Variants in EPB41L5 observed in about 807,000 individuals in gnomAD.
EPB41L5 encodes band 4.1-like protein 5.
A neutral mutation model predicts 106.6 loss-of-function variants in EPB41L5; 55 were observed. The observed-to-expected ratio is 0.52, with a 90% CI of 0.42 to 0.65. The LOEUF (loss-of-function observed/expected upper bound fraction) is 0.65, where lower values mean the gene tolerates loss of function less well. EPB41L5 is among the 30% of genes least tolerant of loss of function. The pLI is 0.00. For synonymous variants in EPB41L5, 297 were observed against 306.7 expected (o/e 0.97, Z 0.33); for missense variants, 871 against 882.1 (o/e 0.99, Z 0.16).
At chr2:120,098,730 A>G (rs1481944870) in intron 14 of EPB41L5, among the ~76,000 whole-genome samples, 2 of 152,232 alleles carry the variant, frequency 1.3e-5, no homozygotes, top group Non-Finnish European at 2.9e-5. Context: ...TCTTAAAAAA[A>G]TAGAATATAA....
At chr2:120,108,310 T>A (rs1684566004) in intron 16 of EPB41L5, 1 of 152,170 alleles carries the variant, frequency 6.6e-6, no homozygotes, top group African/African-American at 2.4e-5. Context: ...GGTGTAATAA[T>A]GTACCTCCTC....
At chr2:120,054,389 T>C in intron 3 of EPB41L5, among the ~76,000 whole-genome samples, 1 of 152,242 alleles carries the variant, frequency 6.6e-6, no homozygotes, top group East Asian at 1.9e-4. Flanking sequence ...AGTTTTACAT[T>C]GTGATGAAAT....
chr2:120,178,731 A>G lies in EPB41L5; in HGVS notation c.*3824A>G. 6.6e-6 allele frequency: 1 copy of G among 152,220 alleles called. No homozygotes were observed. Among genetic ancestry groups the G allele is most frequent in the African/African-American group, 2.4e-5 (1 of 41,452 alleles). 9.4% of individuals were successfully genotyped at this position (152,220 alleles called of 1,614,324 possible). A position where few individuals can be genotyped will look rare whatever the true frequency, so the allele number is the denominator to read the frequency against. ...GTTGTGTTAACACATTGGTAGAGCT[A>G]TGATTCCTTCCCAGTTCTAAGAGAT... is the stretch of plus-strand genomic sequence containing the variant. On this transcript the variant is annotated 3_prime_UTR_variant, in exon 25 of 25. Coordinates refer to ENST00000263713, the MANE Select transcript of EPB41L5 (RefSeq NM_020909.4).
At chr2:120,070,147 A>G (rs1209545319) in intron 3 of EPB41L5, among the ~76,000 whole-genome samples, 1 of 152,230 alleles carries the variant, frequency 6.6e-6, no homozygotes, top group African/African-American at 2.4e-5. Flanking sequence ...GATAAAATGG[A>G]AATCACCACT....
In EPB41L5 at chr2:120,175,746, C is replaced by CTGTA. The variant is rs1687897427; in HGVS notation, c.*840_*843dup. 1 of 152,092 alleles carries CTGTA rather than the reference C, an allele frequency of 6.6e-6. No individual in the cohort carries two copies. The highest frequency in any genetic ancestry group is 2.1e-4 in the South Asian group (1 of 4,824). The allele number at this position is 152,092 out of a possible 1,614,324, so 9.4% of individuals were successfully genotyped here. On this transcript the variant is annotated 3_prime_UTR_variant, in exon 25 of 25. Coordinates refer to ENST00000263713, the MANE Select transcript of EPB41L5 (RefSeq NM_020909.4). ...CGAGCCCGGTGGAGAATGCAGGCTG[C>CTGTA]TGTAGTCTCAGGTAATGAAGGCACA...
intron 9 of EPB41L5, among the ~76,000 whole-genome samples, chr2:120,077,978 G>GA (rs1021007036): frequency 2.0e-5 from 3 of 152,118 alleles, no homozygotes; most frequent in African/African-American, 7.2e-5. Flanking sequence ...AGAGAGCAAA[G>GA]AGGGAGGTGC....
At chr2:120,102,494 A>C (rs1296954817) in intron 16 of EPB41L5, among the ~76,000 whole-genome samples, 1 of 152,154 alleles carries the variant, frequency 6.6e-6, no homozygotes, top group African/African-American at 2.4e-5. Context: ...CTCCCGCCTT[A>C]ATTTCATATG....
intron 3 of EPB41L5, among the ~76,000 whole-genome samples, chr2:120,058,483 C>G (rs769919264): frequency 2.6e-5 from 4 of 152,194 alleles, no homozygotes; most frequent in Admixed American, 2.0e-4. Flanking sequence ...GCCCTTTTCT[C>G]ATTTTTGATA....
chr2:120,045,651 G>A (rs1679715754), intron 3 of EPB41L5, among the ~76,000 whole-genome samples: 2 of 151,902 alleles, frequency 1.3e-5, no homozygotes, highest in South Asian at 4.2e-4. Flanking sequence ...ATCATGCTTT[G>A]CATTTTTTTC....
At position 120,021,816 on chromosome 2, in the gene EPB41L5, T is replaced by C. The variant is rs1407463455; in HGVS notation, c.180+2552T>C. Among the ~76,000 whole-genome samples the C allele has an allele frequency of 2.0e-5, 3 of 152,330 alleles. No individual in the cohort carries two copies. In the South Asian group the frequency reaches 6.2e-4, roughly 32 times the overall value. Reference sequence around the variant, plus strand: ...CTAAAAAAGAAGAAATGATTTCCCCTTTTCAGATTTATTTTCTCAACCAGT... The same window carrying C: ...CTAAAAAAGAAGAAATGATTTCCCCCTTTCAGATTTATTTTCTCAACCAGT... On this transcript the variant is annotated intron_variant, in intron 2 of 24. Coordinates refer to ENST00000263713, the MANE Select transcript of EPB41L5 (RefSeq NM_020909.4).
intron 3 of EPB41L5, among the ~76,000 whole-genome samples, chr2:120,070,340 TAGCCTAC>T (rs1681773751): frequency 6.6e-6 from 1 of 152,120 alleles, no homozygotes; most frequent in African/African-American, 2.4e-5. Flanking sequence ...CAGTAATTAA[TAGCCTAC>T]CAATGAAAAA....
chr2:120,165,374 T>G (rs974488329), intron 22 of EPB41L5, among the ~76,000 whole-genome samples: 2 of 152,198 alleles, frequency 1.3e-5, no homozygotes, highest in African/African-American at 4.8e-5. Context: ...TGCTTAAATC[T>G]CATATAAAAT....
chr2:120,138,213 C>T (rs1482396903), intron 18 of EPB41L5, among the ~76,000 whole-genome samples: 1 of 152,118 alleles, frequency 6.6e-6, no homozygotes, highest in East Asian at 1.9e-4. Context: ...GAACATACCT[C>T]AGCACACTAA....
At chr2:120,030,361 G>A (rs902504537) in intron 2 of EPB41L5, among the ~76,000 whole-genome samples, 2 of 152,164 alleles carry the variant, frequency 1.3e-5, no homozygotes, top group East Asian at 1.9e-4. Flanking sequence ...TAAGATCCGT[G>A]CTTGAGATAT....
intron 3 of EPB41L5, among the ~76,000 whole-genome samples, chr2:120,068,276 C>A (rs185459264): frequency 6.6e-6 from 1 of 152,226 alleles, no homozygotes; most frequent in African/African-American, 2.4e-5. Context: ...CCATGGTCTT[C>A]GCCACCTGCA....
At chr2:120,053,997 T>C (rs1459897907) in intron 3 of EPB41L5, among the ~76,000 whole-genome samples, 5 of 152,154 alleles carry the variant, frequency 3.3e-5, no homozygotes, top group Non-Finnish European at 7.4e-5. Flanking sequence ...ACTTTTCCAG[T>C]GATGGCACCA....
chr2:120,027,227 A>G (rs567032093), intron 2 of EPB41L5, among the ~76,000 whole-genome samples: 24 of 152,356 alleles, frequency 1.6e-4, no homozygotes, highest in African/African-American at 5.8e-4. Context: ...ATATTGCACA[A>G]AAGCTTGTAA....
chr2:120,116,818 A>G (rs994115300), intron 16 of EPB41L5, among the ~76,000 whole-genome samples: 1 of 152,150 alleles, frequency 6.6e-6, no homozygotes, highest in Non-Finnish European at 1.5e-5. Flanking sequence ...ATGAGCCACT[A>G]TATCTACCTA....
At chr2:120,031,839 A>G (rs1678730495) in intron 2 of EPB41L5, among the ~76,000 whole-genome samples, 1 of 152,180 alleles carries the variant, frequency 6.6e-6, no homozygotes. Flanking sequence ...ACCAGAATCA[A>G]GAGTTCATTA....
Sources: allele counts gnomAD v4.1 joint callset (sites outside exome capture counted in the v4.1 genomes callset), GRCh38; gene constraint gnomAD v4.1.1; transcripts MANE v1.5; gene names NCBI Gene and HGNC (gene_info 2026-07-23, HGNC 2026-07-21).